The following PTPRA variants were observed in gnomAD, a reference collection of about 807,000 sequenced individuals.
PTPRA encodes receptor-type tyrosine-protein phosphatase alpha.
Under a neutral mutation model 104.8 loss-of-function variants are expected in PTPRA, and 25 were observed. The ratio of observed to expected loss-of-function variants is 0.24; its 90% CI spans 0.17 to 0.33. The LOEUF is 0.33. Among genes scored for constraint, PTPRA ranks in the 10% least tolerant of loss-of-function variants. PTPRA has a pLI of 1.00. For missense variants in PTPRA, 765 were observed against 1,015.3 expected, an observed-to-expected ratio of 0.75 and a Z score of 3.35; for synonymous variants, 323 against 368.9, an observed-to-expected ratio of 0.88 and a Z score of 1.43.
intron 1 of PTPRA, among the ~76,000 whole-genome samples, chr20:2,887,964 G>T (rs2090472140): frequency 6.6e-6 from 1 of 152,172 alleles, no homozygotes; most frequent in African/African-American, 2.4e-5. Context: ...TCTTGGGCCT[G>T]CCCACTTTGT....
At chr20:2,866,829 G>T in the PTPRA span, 4 of 478,464 alleles carry the variant, frequency 8.4e-6, no homozygotes, top group East Asian at 1.4e-4. Flanking sequence ...CGTTGTGTTG[G>T]GACCGGAGGT....
intron 20 of PTPRA, among the ~76,000 whole-genome samples, chr20:3,032,433 T>C (rs893193463): frequency 6.6e-6 from 1 of 152,188 alleles, no homozygotes; most frequent in Non-Finnish European, 1.5e-5. Context: ...CCACCTACTA[T>C]CCTATTTCTC....
At chr20:2,902,899 G>A (rs2059289371) in intron 1 of PTPRA, among the ~76,000 whole-genome samples, 1 of 152,138 alleles carries the variant, frequency 6.6e-6, no homozygotes, top group Non-Finnish European at 1.5e-5. Flanking sequence ...GAAATATTAT[G>A]ACTCCATAAT....
At chr20:3,002,921 G>A (rs964209081) in intron 9 of PTPRA, among the ~76,000 whole-genome samples, 6 of 152,008 alleles carry the variant, frequency 3.9e-5, no homozygotes, top group African/African-American at 1.2e-4. Context: ...CACCTTCTGC[G>A]TGATACCTGC....
Position 3,037,031 on chromosome 20 carries a change from G to A in PTPRA, c.2199-123G>A. On this transcript the variant is annotated intron_variant, in intron 22 of 23. Coordinates refer to ENST00000399903, the MANE Select transcript of PTPRA (RefSeq NM_001385305.1). The surrounding 1 kb of genome is among the most constrained non-coding windows in gnomAD (Gnocchi z 4.3). ...ACCCAGAACCCCTCCAGGCTGGTGGGTCCACAGGGCAAAGGCGAGCACCAG... is the reference window on the plus strand; with the variant it reads ...ACCCAGAACCCCTCCAGGCTGGTGGATCCACAGGGCAAAGGCGAGCACCAG... 7.2e-7 allele frequency: 1 copy of A among 1,384,794 alleles called. No homozygotes were observed. Among genetic ancestry groups the A allele is most frequent in the Non-Finnish European group, 9.9e-7 (1 of 1,010,272 alleles). The allele number at this position is 1,384,794 out of a possible 1,614,324, so 85.8% of individuals were successfully genotyped here.
intron 1 of PTPRA, among the ~76,000 whole-genome samples, chr20:2,888,953 A>G (rs80203344): frequency 0.019 from 2,892 of 152,248 alleles, 97 homozygotes; most frequent in African/African-American, 0.064. Flanking sequence ...GGTTTCCCCA[A>G]TGTTAGTGGG....
At chr20:3,021,920 C>A in intron 14 of PTPRA, 134 bp from the exon 15 acceptor site, 2 of 1,140,812 alleles carry the variant, frequency 1.8e-6, no homozygotes, top group Non-Finnish European at 2.5e-6. Flanking sequence ...GACCTTGTGT[C>A]TGTGGTTAAC....
chr20:2,888,163 T>C (rs2090481417), intron 1 of PTPRA, among the ~76,000 whole-genome samples: 1 of 152,190 alleles, frequency 6.6e-6, no homozygotes, highest in Non-Finnish European at 1.5e-5. Context: ...TTTCTTCCTG[T>C]ATTTCATGCC....
At chr20:2,875,194 T>C (rs1044502578) in intron 1 of PTPRA, among the ~76,000 whole-genome samples, 1 of 152,180 alleles carries the variant, frequency 6.6e-6, no homozygotes, top group Non-Finnish European at 1.5e-5. Context: ...TTGGAGTACA[T>C]GCCCAGGACT....
At chr20:2,932,043 T>C (rs112257419) in intron 2 of PTPRA, among the ~76,000 whole-genome samples, 7 of 152,186 alleles carry the variant, frequency 4.6e-5, no homozygotes, top group African/African-American at 1.7e-4. Context: ...CAATGCCTGG[T>C]CCTTAATAGG....
chr20:2,950,713 G>T lies in PTPRA; in HGVS notation c.-7+2689G>T, dbSNP rs1269612463. 6.6e-6 allele frequency among the ~76,000 whole-genome samples: 1 copy of T among 151,500 alleles called. No homozygotes were observed. The highest frequency in any genetic ancestry group is 1.5e-5 in the Non-Finnish European group (1 of 67,914). On this transcript the variant is annotated intron_variant, in intron 3 of 23. Transcript: ENST00000399903. This position sits in a 1 kb window ranked among gnomAD's most constrained non-coding sequence, Gnocchi z 4.0. ...TTAATTTATCAAATAACTACTTTTG[G>T]CTTTGTTTCATTTTTATTATACAAT...
the PTPRA span, chr20:2,865,797 G>A: frequency 4.1e-6 from 2 of 490,036 alleles, no homozygotes; most frequent in South Asian, 2.3e-5. The surrounding 1 kb of genome is among the most constrained non-coding windows in gnomAD (Gnocchi z 5.2). Context: ...AGGGTGGAGG[G>A]GGCACAGGGA....
intron 13 of PTPRA, among the ~76,000 whole-genome samples, chr20:3,020,591 G>A (rs1297948687): frequency 6.6e-6 from 1 of 152,200 alleles, no homozygotes; most frequent in Non-Finnish European, 1.5e-5. Flanking sequence ...TTCCTTTTGT[G>A]GCTACCAAGT....
chr20:2,890,849 T>C (rs1303461599), intron 1 of PTPRA, among the ~76,000 whole-genome samples: 1 of 152,202 alleles, frequency 6.6e-6, no homozygotes, highest in Non-Finnish European at 1.5e-5. Context: ...CTGGCCTTCT[T>C]GTGTTGATTC....
chr20:2,883,015 C>T (rs1404286456), intron 1 of PTPRA, among the ~76,000 whole-genome samples: 1 of 132,962 alleles, frequency 7.5e-6, no homozygotes, highest in Non-Finnish European at 1.6e-5. Flanking sequence ...GGTTCTCACT[C>T]TGTATGTAGC....
intron 1 of PTPRA, among the ~76,000 whole-genome samples, chr20:2,896,965 G>T (rs540128976): frequency 6.6e-6 from 1 of 152,126 alleles, no homozygotes; most frequent in South Asian, 2.1e-4. Flanking sequence ...TTATTTTGTA[G>T]CAAGTCCCAC....
In PTPRA at chr20:2,921,264, C is replaced by T. The variant is rs142736825; in HGVS notation, c.-128-1943C>T. On this transcript the variant is annotated intron_variant, in intron 1 of 23. Transcript: ENST00000399903. Reference sequence around the variant, plus strand: ...TTAACAAATGAGGAAGCTGAGCTTACGAGATGTCTGTGAAGCCCATTGTCT... The same window carrying T: ...TTAACAAATGAGGAAGCTGAGCTTATGAGATGTCTGTGAAGCCCATTGTCT... Among the ~76,000 whole-genome samples, 89 of 149,940 alleles carry T rather than the reference C, an allele frequency of 5.9e-4. 1 individual carries two copies. In the East Asian group the frequency reaches 0.016, roughly 28 times the overall value.
intron 3 of PTPRA, among the ~76,000 whole-genome samples, chr20:2,963,765 G>A (rs1303321112): frequency 6.6e-6 from 1 of 152,146 alleles, no homozygotes; most frequent in Non-Finnish European, 1.5e-5. Context: ...GGGACTAGGT[G>A]TGGGAGCTCA....
chr20:2,869,977 A>ATAT (rs1555798564), upstream of PTPRA, among the ~76,000 whole-genome samples: 1 of 150,024 alleles, frequency 6.7e-6, no homozygotes, highest in East Asian at 1.9e-4. Context: ...CTGTCTTAAA[A>ATAT]ATATATATAT....
Sources: gnomAD v4.1 joint callset for allele counts (sites outside exome capture counted in the v4.1 genomes callset) on GRCh38, gnomAD v4.1.1 for gene constraint, Gnocchi (gnomAD v3.1) non-coding constraint, MANE v1.5 for transcripts, NCBI Gene and HGNC (gene_info 2026-07-23, HGNC 2026-07-21) for gene names.